TTLL2: variants seen among roughly 807,000 people sequenced by gnomAD.
TTLL2 encodes tubulin tyrosine ligase like 2.
A neutral mutation model predicts 7.5 loss-of-function variants in TTLL2; 10 were observed. That is an observed-to-expected ratio of 1.33 (90% CI 0.82 to 2.25). The LOEUF is 2.25. Among genes scored for constraint, TTLL2 ranks in the 30% most tolerant of loss-of-function variants. The pLI, the probability that TTLL2 is intolerant of heterozygous loss-of-function variation, is 0.00. For missense variants in TTLL2, 733 were observed against 735.7 expected, an observed-to-expected ratio of 1.00 and a Z score of 0.04; for synonymous variants, 284 against 280.3, an observed-to-expected ratio of 1.01 and a Z score of -0.13.
chr6:167,327,698 G>A (rs923758361), intron 1 of TTLL2, among the ~76,000 whole-genome samples: 1 of 152,086 alleles, frequency 6.6e-6, no homozygotes, highest in Non-Finnish European at 1.5e-5. Flanking sequence ...AACCATATTC[G>A]CACAAGAGAA....
At chr6:167,336,619 A>G (rs1179562037) in intron 1 of TTLL2, among the ~76,000 whole-genome samples, 2 of 152,098 alleles carry the variant, frequency 1.3e-5, no homozygotes, top group East Asian at 3.9e-4. Context: ...TCCTCTTACC[A>G]TAGGGACGAG....
chr6:167,339,168 A>G (rs1007905019), intron 2 of TTLL2, among the ~76,000 whole-genome samples: 1 of 152,056 alleles, frequency 6.6e-6, no homozygotes, highest in Non-Finnish European at 1.5e-5. Context: ...AATTTCCACC[A>G]AGTAAGTTAT....
In TTLL2 at chr6:167,331,195, G is replaced by A. The variant is rs370557021; in HGVS notation, c.47+5975G>A. On this transcript the variant is annotated intron_variant, in intron 1 of 2. Transcript: ENST00000239587. ...AGTTTTGTTATGTATAATGTATAACGATCTGATCAGAGTAATTAGCATATC... is the reference window on the plus strand; with the variant it reads ...AGTTTTGTTATGTATAATGTATAACAATCTGATCAGAGTAATTAGCATATC... Among the ~76,000 whole-genome samples, 38 of 152,134 alleles carry A rather than the reference G, an allele frequency of 2.5e-4. 1 individual carries two copies. In the East Asian group the frequency reaches 6.8e-3, roughly 27 times the overall value.
Position 167,340,579 on chromosome 6 carries a change from G to A in TTLL2, c.679G>A (p.Asp227Asn), listed in dbSNP as rs755211994. 9.3e-6 allele frequency: 15 copies of A among 1,614,164 alleles called. No homozygotes were observed. The South Asian group carries it at 1.5e-4, about 17-fold the overall frequency. The change falls in exon 3 of 3, where the codon GAC becomes AAC. Residue 227 changes from aspartate to asparagine, a missense_variant. Physicochemically the swap from Asp to Asn is conservative, Grantham distance 23 (BLOSUM62 1). Coordinates refer to ENST00000239587, the MANE Select transcript of TTLL2 (RefSeq NM_031949.5). The stretch of plus-strand genomic sequence containing the variant: ...TGGGAGGGGGATACTAATTTTCAGT[G>A]ACTTTAAAGACTTCATCTTTGATGA... ...SRGRGILIFS[D>N]FKDFIFDDMY...
In TTLL2 at chr6:167,341,058, G is replaced by A; in HGVS notation, c.1158G>A (p.Glu386=). 5.0e-6 allele frequency: 8 copies of A among 1,613,916 alleles called. No homozygotes were observed. The highest frequency in any genetic ancestry group is 6.8e-6 in the Non-Finnish European group (8 of 1,180,000). The change falls in exon 3 of 3, where the codon GAG becomes GAA. Residue 386 remains glutamate, a synonymous_variant. Transcript: ENST00000239587. ...ACAACTTGAAACCATGGCTTTTAGA[G>A]GTCAACTACAGCCCAGCCTTGACCT... ...IDDNLKPWLL[E]VNYSPALTLD...
intron 1 of TTLL2, among the ~76,000 whole-genome samples, chr6:167,327,788 G>A (rs1269941323): frequency 6.6e-6 from 1 of 152,182 alleles, no homozygotes; most frequent in Non-Finnish European, 1.5e-5. Flanking sequence ...ATTAACCTCT[G>A]AAATCCTAAA....
chr6:167,325,252 G>A (rs1213125066), intron 1 of TTLL2, 32 bp downstream of exon 1: 2 of 1,511,504 alleles, frequency 1.3e-6, no homozygotes, highest in South Asian at 1.3e-5. Flanking sequence ...TAGGATGGGA[G>A]GGTGGCCCCG....
At chr6:167,336,549 G>T (rs1399738708) in intron 1 of TTLL2, among the ~76,000 whole-genome samples, 1 of 151,978 alleles carries the variant, frequency 6.6e-6, no homozygotes, top group Admixed American at 6.6e-5. Flanking sequence ...CTCCTTCTCA[G>T]CGATGGGGAC....
chr6:167,328,007 G>C, intron 1 of TTLL2: 1 of 456,230 alleles, frequency 2.2e-6, no homozygotes, highest in Non-Finnish European at 4.4e-6. Flanking sequence ...ATTTCAGTTC[G>C]ATGACACCTG....
In TTLL2 at chr6:167,341,472, C is replaced by A. The variant is rs370514497; in HGVS notation, c.1572C>A (p.Tyr524Ter). Residue 524 changes from tyrosine to a stop codon, truncating the protein, a stop_gained, in exon 3 of 3, where the codon TAC becomes TAA. Transcript: ENST00000239587. LOFTEE classifies it low-confidence loss of function (END_TRUNC). ...RHTPHKTLMP[Y>*]ASLFQSHSCK... ...CGCCTCACAAGACACTCATGCCCTA[C>A]GCGTCCCTCTTCCAGTCGCACTCCT... is the stretch of plus-strand genomic sequence containing the variant. 9 of 1,613,982 alleles carry A rather than the reference C, an allele frequency of 5.6e-6. No homozygotes were observed. The highest frequency in any genetic ancestry group is 2.2e-5 in the East Asian group (1 of 44,870).
intron 2 of TTLL2, among the ~76,000 whole-genome samples, chr6:167,339,903 C>T (rs1779046285): frequency 6.6e-6 from 1 of 152,024 alleles, no homozygotes; most frequent in Admixed American, 6.5e-5. Context: ...AAAGGGGTTC[C>T]CAGGACAAGA....
In TTLL2 at chr6:167,341,348, C is replaced by T. The variant is rs773308142; in HGVS notation, c.1448C>T (p.Ala483Val). Reference sequence around the variant, plus strand: ...GCTGTGAGTGTGCGTCCTGAAGCTGCACCTGCCTCCCAGCTGGAAGGAGAG... The same window carrying T: ...GCTGTGAGTGTGCGTCCTGAAGCTGTACCTGCCTCCCAGCTGGAAGGAGAG... Reference protein sequence around the residue: ...EKAVSVRPEAAPASQLEGEMS... With the variant: ...EKAVSVRPEAVPASQLEGEMS... Residue 483 changes from alanine to valine, a missense_variant, in exon 3 of 3, where the codon GCA (alanine) becomes GTA (valine). Physicochemically the swap from Ala to Val is moderately conservative, Grantham distance 64 (BLOSUM62 0). Transcript: ENST00000239587. The T allele has an allele frequency of 1.9e-6, 3 of 1,613,842 alleles. No homozygotes were observed. The highest frequency in any genetic ancestry group is 1.1e-5 in the South Asian group (1 of 91,052).
chr6:167,334,806 T>C (rs1778965191), intron 1 of TTLL2, among the ~76,000 whole-genome samples: 2 of 63,720 alleles, frequency 3.1e-5, no homozygotes, highest in South Asian at 6.5e-4. Context: ...TTACACCTTA[T>C]ACAAAAATCA....
chr6:167,341,568 T>C lies in TTLL2; in HGVS notation c.1668T>C (p.Phe556=). ...GKAPDPQAGN[F]VLVFPFNEAT... is the part of the protein sequence containing the mutation. ...CTCCAGATCCCCAAGCAGGCAACTTTGTTCTTGTTTTTCCTTTCAATGAAG... is the reference window on the plus strand; with the variant it reads ...CTCCAGATCCCCAAGCAGGCAACTTCGTTCTTGTTTTTCCTTTCAATGAAG... The change falls in exon 3 of 3, where the codon TTT becomes TTC. Residue 556 remains phenylalanine (F), a synonymous_variant. Transcript: ENST00000239587. 6.2e-7 allele frequency: 1 copy of C among 1,614,212 alleles called. No homozygotes were observed. The highest frequency in any genetic ancestry group is 8.5e-7 in the Non-Finnish European group (1 of 1,180,044).
intron 1 of TTLL2, among the ~76,000 whole-genome samples, chr6:167,326,127 C>T (rs1204544646): frequency 6.6e-6 from 1 of 152,028 alleles, no homozygotes; most frequent in Non-Finnish European, 1.5e-5. Flanking sequence ...GCTCAGTCTA[C>T]CCCGGGTTTG....
At chr6:167,325,544 A>G (rs1429008546) in intron 1 of TTLL2, among the ~76,000 whole-genome samples, 1 of 152,132 alleles carries the variant, frequency 6.6e-6, no homozygotes, top group Admixed American at 6.5e-5. Flanking sequence ...GGGGAGTGTA[A>G]GTTAACTGCA....
At chr6:167,340,009 A>C in intron 2 of TTLL2, 96 bp from the exon 3 acceptor site, 1 of 1,392,574 alleles carries the variant, frequency 7.2e-7, no homozygotes, top group Non-Finnish European at 9.8e-7. Context: ...GACACACAGG[A>C]CAGCTGGCAG....
chr6:167,337,278 C>G (rs961100997), intron 1 of TTLL2, among the ~76,000 whole-genome samples: 1 of 152,228 alleles, frequency 6.6e-6, no homozygotes, highest in Non-Finnish European at 1.5e-5. Flanking sequence ...GAAATGGGGT[C>G]CCCAACCCGG....
chr6:167,331,479 T>A (rs918847654), intron 1 of TTLL2, among the ~76,000 whole-genome samples: 1 of 152,202 alleles, frequency 6.6e-6, no homozygotes. Flanking sequence ...ACTGTTTTTT[T>A]AGCTTTCACC....
Sources: allele counts gnomAD v4.1 joint callset (sites outside exome capture counted in the v4.1 genomes callset), GRCh38; gene constraint gnomAD v4.1.1; transcripts MANE v1.5; gene names NCBI Gene and HGNC (gene_info 2026-07-23, HGNC 2026-07-21).